Variants in UBA2 observed in about 807,000 individuals in gnomAD.
The protein encoded by UBA2 is SUMO-activating enzyme subunit 2.
UBA2 carries 11 observed loss-of-function variants against 77.2 expected under a neutral mutation model. The observed-to-expected ratio is 0.14, with a 90% confidence interval of 0.09 to 0.24. The LOEUF (loss-of-function observed/expected upper bound fraction) is 0.24, where lower values mean the gene tolerates loss of function less well. UBA2 is among the 10% of genes least tolerant of loss of function. The pLI, the probability that UBA2 is intolerant of heterozygous loss-of-function variation, is 1.00. For synonymous variants in UBA2, 278 were observed against 276.7 expected (o/e 1.00, Z -0.05); for missense variants, 487 against 781.7 (o/e 0.62, Z 4.50).
intron 15 of UBA2, among the ~76,000 whole-genome samples, chr19:34,466,235 G>A (rs2075686371): frequency 6.6e-6 from 1 of 152,102 alleles, no homozygotes; most frequent in Non-Finnish European, 1.5e-5. Flanking sequence ...TTGGGAGGCT[G>A]AGGCAGAAGA....
chr19:34,457,179 A>AAAAAATATAT (rs1262007864), intron 12 of UBA2, among the ~76,000 whole-genome samples: 4 of 53,224 alleles, frequency 7.5e-5, no homozygotes, highest in South Asian at 1.1e-3. Context: ...AAAAAAAAAA[A>AAAAAATATAT]ATATATATAT....
rs1599881842 is a variant in UBA2, at chr19:34,428,794, A to G, written c.138+224A>G. On this transcript the variant is annotated intron_variant, in intron 1 of 16. Transcript: ENST00000246548. ...CTCGCTGGGCCGGCTCCGGACGCCGAGGAGGCCGCGGGCCCCCGCCTCCCC... is the reference window on the plus strand; with the variant it reads ...CTCGCTGGGCCGGCTCCGGACGCCGGGGAGGCCGCGGGCCCCCGCCTCCCC... 7.4e-5 allele frequency: 84 copies of G among 1,141,252 alleles called. 2 individuals are homozygous for G. In the South Asian group the frequency reaches 3.6e-3, roughly 48 times the overall value. 70.7% of individuals were successfully genotyped at this position (1,141,252 alleles called of 1,614,324 possible). A position where few individuals can be genotyped will look rare whatever the true frequency, so the allele number is the denominator to read the frequency against.
rs898075767 is a variant in UBA2, at chr19:34,428,392, C to T, written c.-41C>T. 3 of 1,233,710 alleles carry T rather than the reference C, an allele frequency of 2.4e-6. No individual in the cohort carries two copies. The highest frequency in any genetic ancestry group is 3.1e-5 in the African/African-American group (2 of 64,574). 76.4% of individuals were successfully genotyped at this position (1,233,710 alleles called of 1,614,324 possible). A position where few individuals can be genotyped will look rare whatever the true frequency, so the allele number is the denominator to read the frequency against. On this transcript the variant is annotated 5_prime_UTR_variant, in exon 1 of 17. Coordinates refer to ENST00000246548, the MANE Select transcript of UBA2 (RefSeq NM_005499.3). ...ACCCGCTTCCGGCCGCGGCTCGGTT[C>T]TCCCGCCTCCGCCTCCGCCGCGGCT...
At chr19:34,436,074 C>T (rs1449933066) in intron 5 of UBA2, among the ~76,000 whole-genome samples, 1 of 144,874 alleles carries the variant, frequency 6.9e-6, no homozygotes, top group Non-Finnish European at 1.5e-5. Flanking sequence ...GAGCTGAGAT[C>T]ACGCCATTGC....
At position 34,445,717 on chromosome 19, in the gene UBA2, C is replaced by T. The variant is rs192693111; in HGVS notation, c.771+596C>T. On this transcript the variant is annotated intron_variant, in intron 8 of 16. Coordinates refer to ENST00000246548, the MANE Select transcript of UBA2 (RefSeq NM_005499.3). ...CTTCCCAAAGTGATGGGATTATAGG[C>T]GTGAGCCACTGCTCCTGGCTTCATG... Among the ~76,000 whole-genome samples, 343 of 152,178 alleles carry T rather than the reference C, an allele frequency of 2.3e-3. 4 individuals carry two copies. The highest frequency in any genetic ancestry group is 0.01 in the South Asian group (50 of 4,810).
intron 5 of UBA2, among the ~76,000 whole-genome samples, chr19:34,436,099 A>G (rs569003227): frequency 0.033 from 626 of 19,086 alleles, 1 homozygote; most frequent in African/African-American, 0.26. Flanking sequence ...CAGCCTGGGC[A>G]ACGAGCGAAA....
Position 34,430,629 on chromosome 19 carries a change from A to G in UBA2, c.192A>G (p.Gln64=), listed in dbSNP as rs1443839874. Residue 64 remains glutamine (Q), a synonymous_variant, in exon 2 of 17, where the codon CAA becomes CAG. Coordinates refer to ENST00000246548, the MANE Select transcript of UBA2 (RefSeq NM_005499.3). ...ACCTCAACAGACAGTTTTTGTTTCA[A>G]AAGAAACATGTTGGAAGATCAAAGG... ...VSNLNRQFLF[Q]KKHVGRSKAQ... is the part of the protein sequence containing the mutation. The G allele has an allele frequency of 6.2e-7, 1 of 1,613,846 alleles. No homozygotes were observed. Among genetic ancestry groups the G allele is most frequent in the African/African-American group, 1.3e-5 (1 of 75,056 alleles).
chr19:34,462,894 A>C (rs1232882956), intron 14 of UBA2, among the ~76,000 whole-genome samples: 1 of 152,186 alleles, frequency 6.6e-6, no homozygotes, highest in East Asian at 1.9e-4. Context: ...CAGGAGTTGG[A>C]GACCAGCTTG....
At position 34,469,796 on chromosome 19, in the gene UBA2, T is replaced by C. The variant is rs1408403034; in HGVS notation, c.*575T>C. ...TGTGTAAGAAGCCAATTTTTGTGTA[T>C]TGTTACAGTTTCAGGTTATTTATAT... On this transcript the variant is annotated 3_prime_UTR_variant, in exon 17 of 17. Transcript: ENST00000246548. 2 of 152,626 alleles carry C rather than the reference T, an allele frequency of 1.3e-5. No homozygotes were observed. The highest frequency in any genetic ancestry group is 1.3e-4 in the Admixed American group (2 of 15,270). The allele number at this position is 152,626 out of a possible 1,614,324, so 9.5% of individuals were successfully genotyped here.
intron 6 of UBA2, among the ~76,000 whole-genome samples, chr19:34,441,125 T>C (rs1479035614): frequency 1.3e-5 from 2 of 152,158 alleles, no homozygotes; most frequent in African/African-American, 2.4e-5. Context: ...ATTTAGCAAA[T>C]GGCCTTTCAT....
chr19:34,456,810 G>T (rs1276734256), intron 12 of UBA2, among the ~76,000 whole-genome samples: 1 of 151,920 alleles, frequency 6.6e-6, no homozygotes, highest in Non-Finnish European at 1.5e-5. Context: ...TGCCCACCTT[G>T]GCCTCCCAAA....
chr19:34,432,677 C>T (rs2075268692), intron 3 of UBA2, among the ~76,000 whole-genome samples: 1 of 152,062 alleles, frequency 6.6e-6, no homozygotes, highest in Non-Finnish European at 1.5e-5. Context: ...CCTGTCTCAG[C>T]CTCCTGAGTA....
intron 8 of UBA2, among the ~76,000 whole-genome samples, chr19:34,448,455 A>C (rs777474708): frequency 1.3e-5 from 2 of 152,014 alleles, no homozygotes; most frequent in Non-Finnish European, 2.9e-5. Context: ...ATAGCCAGCC[A>C]TGGTGGCCTG....
chr19:34,460,612 T>A, intron 14 of UBA2, 46 bp downstream of exon 14: 3 of 1,340,588 alleles, frequency 2.2e-6, no homozygotes, highest in Non-Finnish European at 3.1e-6. Context: ...AGGAGACTGC[T>A]TGAAGAGTGC....
At chr19:34,433,246 T>A in intron 3 of UBA2, 102 bp from the exon 4 acceptor site, 1 of 787,090 alleles carries the variant, frequency 1.3e-6, no homozygotes, top group Non-Finnish European at 2.2e-6. Flanking sequence ...GATATCAGTT[T>A]TGTTTACAGT....
rs778168210 is a variant in UBA2 at position 34,443,839 on chromosome 19, T to G, written c.582-5T>G. On this transcript the variant is annotated splice_region_variant and splice_polypyrimidine_tract_variant and intron_variant, in intron 6 of 16. Transcript: ENST00000246548. ...ACAGAAGTATTTACTATTCTTAAAT[T>G]ATAGCCAGTTGTTTGGGGAAGAAGA... is the stretch of plus-strand genomic sequence containing the variant. 2.5e-6 allele frequency: 4 copies of G among 1,581,758 alleles called. No homozygotes were observed. Among genetic ancestry groups the G allele is most frequent in the Non-Finnish European group, 1.7e-6 (2 of 1,150,604 alleles).
At chr19:34,458,201 A>G (rs982630789) in intron 12 of UBA2, among the ~76,000 whole-genome samples, 6 of 152,164 alleles carry the variant, frequency 3.9e-5, no homozygotes, top group Non-Finnish European at 7.3e-5. Flanking sequence ...GCGGAGTCTT[A>G]TATAATACAA....
chr19:34,428,762 G>A, intron 1 of UBA2, 192 bp downstream of exon 1: 1 of 1,132,456 alleles, frequency 8.8e-7, no homozygotes, highest in Non-Finnish European at 1.1e-6. Flanking sequence ...CACGGGGCGG[G>A]CCTCCGCTCG....
intron 12 of UBA2, among the ~76,000 whole-genome samples, chr19:34,455,290 G>A (rs7251055): frequency 6.6e-6 from 1 of 151,956 alleles, no homozygotes; most frequent in African/African-American, 2.4e-5. Flanking sequence ...CCAAGTTTAA[G>A]ATCATTTTTA....
Sources: gnomAD v4.1 joint callset for allele counts (sites outside exome capture counted in the v4.1 genomes callset) on GRCh38, gnomAD v4.1.1 for gene constraint, MANE v1.5 for transcripts, NCBI Gene and HGNC (gene_info 2026-07-23, HGNC 2026-07-21) for gene names.